Variants in PTPRD observed in about 807,000 individuals in gnomAD.
PTPRD encodes the protein protein tyrosine phosphatase receptor type D.
A neutral mutation model predicts 214.5 loss-of-function variants in PTPRD; 34 were observed. The observed-to-expected ratio is 0.16, with a 90% CI of 0.12 to 0.21. The LOEUF (loss-of-function observed/expected upper bound fraction) is 0.21. PTPRD is among the 10% of genes least tolerant of loss of function. The probability of loss-of-function intolerance (pLI) is 1.00; values close to 1 mark genes in which losing one functional copy is unlikely to be tolerated. For synonymous variants in PTPRD, 1,128 were observed against 845.7 expected (o/e 1.33, Z -5.79); for missense variants, 2,545 against 2,398.7 (o/e 1.06, Z -1.27).
intron 12 of PTPRD, among the ~76,000 whole-genome samples, chr9:8,651,559 T>C (rs1213714323): frequency 6.6e-6 from 1 of 152,202 alleles, no homozygotes; most frequent in African/African-American, 2.4e-5. Context: ...GTAGTTCTTT[T>C]GCTTTTTTTC....
At chr9:8,674,118 GAC>G (rs201255472) in intron 12 of PTPRD, among the ~76,000 whole-genome samples, 3 of 151,906 alleles carry the variant, frequency 2.0e-5, no homozygotes, top group Non-Finnish European at 4.4e-5. Flanking sequence ...AAATCACATA[GAC>G]ACACACACAC....
chr9:8,987,276 T>G (rs2154344784), intron 11 of PTPRD, among the ~76,000 whole-genome samples: 1 of 152,090 alleles, frequency 6.6e-6, no homozygotes, highest in East Asian at 1.9e-4. Context: ...AGTGTGTGGG[T>G]GGGTATGTGT....
At chr9:8,343,293 T>A (rs1420548939) in intron 39 of PTPRD, among the ~76,000 whole-genome samples, 2 of 152,104 alleles carry the variant, frequency 1.3e-5, no homozygotes, top group African/African-American at 4.8e-5. Flanking sequence ...AATAGGTTAC[T>A]TTTTTATGTC....
At chr9:10,291,864 T>C (rs772893519) in intron 3 of PTPRD, among the ~76,000 whole-genome samples, 1 of 152,072 alleles carries the variant, frequency 6.6e-6, no homozygotes, top group Non-Finnish European at 1.5e-5. Context: ...ACTGAATTAA[T>C]GCACCTTGGA....
chr9:8,682,871 G>C (rs1166171186), intron 12 of PTPRD, among the ~76,000 whole-genome samples: 1 of 152,060 alleles, frequency 6.6e-6, no homozygotes, highest in Admixed American at 6.6e-5. Flanking sequence ...TCCTTTCTGA[G>C]TTGTTGTTTA....
chr9:10,099,603 T>C (rs2098531149), intron 3 of PTPRD, among the ~76,000 whole-genome samples: 1 of 151,856 alleles, frequency 6.6e-6, no homozygotes, highest in Non-Finnish European at 1.5e-5. Context: ...ATGTATTTCA[T>C]ATTAATTATT....
intron 5 of PTPRD, among the ~76,000 whole-genome samples, chr9:9,769,317 C>CTTTTTTTTTTTTT: frequency 1.4e-5 from 1 of 69,594 alleles, no homozygotes; most frequent in Non-Finnish European, 2.5e-5. Flanking sequence ...ACCAGAAGCC[C>CTTTTTTTTTTTTT]TTTTTTTTTT....
chr9:9,658,384 T>A (rs529480132), intron 7 of PTPRD, among the ~76,000 whole-genome samples: 2 of 152,334 alleles, frequency 1.3e-5, no homozygotes, highest in East Asian at 1.9e-4. Context: ...TTAGTACTTA[T>A]AATGTATTAA....
intron 2 of PTPRD, among the ~76,000 whole-genome samples, chr9:10,499,775 T>G: frequency 6.6e-6 from 1 of 151,406 alleles, no homozygotes; most frequent in Non-Finnish European, 1.5e-5. Context: ...TTCTTATCAT[T>G]ATTTTTCCAC....
chr9:8,685,875 C>T (rs759139369), intron 12 of PTPRD, among the ~76,000 whole-genome samples: 1 of 152,148 alleles, frequency 6.6e-6, no homozygotes. Context: ...GAGCACTAGG[C>T]TCCTCTTTAT....
At position 9,912,042 on chromosome 9, in the gene PTPRD, G is replaced by C. The variant is rs536856169; in HGVS notation, c.-368+26465C>G. Among the ~76,000 whole-genome samples, 95 of 152,144 alleles carry C rather than the reference G, an allele frequency of 6.2e-4. 1 individual carries two copies. The highest frequency in any genetic ancestry group is 2.2e-3 in the African/African-American group (91 of 41,530). On this transcript the variant is annotated intron_variant, in intron 5 of 45. Coordinates refer to ENST00000381196, the MANE Select transcript of PTPRD (RefSeq NM_002839.4). ...TCAATCAAGAATAAGAAAAAATAAA[G>C]TCAATAATCTACAGCCTTGCTGATA... is the stretch of plus-strand genomic sequence containing the variant.
chr9:8,471,625 C>T (rs777551377), intron 30 of PTPRD, among the ~76,000 whole-genome samples: 69 of 151,962 alleles, frequency 4.5e-4, no homozygotes, highest in Non-Finnish European at 7.6e-4. Context: ...ATTAAAAATT[C>T]CCTTCTTTTT....
At position 9,746,509 on chromosome 9, in the gene PTPRD, A is replaced by C. The variant is rs115884724; in HGVS notation, c.-325-11938T>G. Among the ~76,000 whole-genome samples, 1,450 of 152,326 alleles carry C rather than the reference A, an allele frequency of 9.5e-3. 21 individuals are homozygous for C. Among genetic ancestry groups the C allele is most frequent in the African/African-American group, 0.032 (1,332 of 41,566 alleles). On this transcript the variant is annotated intron_variant, in intron 6 of 45. Transcript: ENST00000381196. ...CATCTGAACTTCTGTAATTGAGAGG[A>C]AAATTGCCAAAAAGATCAATATAGA...
intron 9 of PTPRD, among the ~76,000 whole-genome samples, chr9:9,296,287 A>G (rs1030760384): frequency 6.6e-6 from 1 of 151,730 alleles, no homozygotes; most frequent in Non-Finnish European, 1.5e-5. Flanking sequence ...ATGTTCTCAC[A>G]TGACCTTTAA....
At chr9:9,272,341 T>A (rs1943275176) in intron 9 of PTPRD, among the ~76,000 whole-genome samples, 1 of 151,286 alleles carries the variant, frequency 6.6e-6, no homozygotes, top group Admixed American at 6.6e-5. Context: ...AAAAATAAAT[T>A]GAAAGTTAAA....
chr9:10,281,910 T>G (rs79041482), intron 3 of PTPRD, among the ~76,000 whole-genome samples: 13,265 of 152,156 alleles, frequency 0.087, 698 homozygotes, highest in Non-Finnish European at 0.12. Flanking sequence ...TAGAACTATT[T>G]TATCATCTGA....
In PTPRD at chr9:10,125,423, TTTATTATTATTA is replaced by T. The variant is rs71485319; in HGVS notation, c.-544-91645_-544-91634del. ...TTTATTTTTATTTATTTTGTTTTAT[TTTATTATTATTA>T]TTATTATTATTATTATTATTATTAT... On this transcript the variant is annotated intron_variant, in intron 3 of 45. Transcript: ENST00000381196. Among the ~76,000 whole-genome samples, 964 of 133,534 alleles carry T rather than the reference TTTATTATTATTA, an allele frequency of 7.2e-3. 10 individuals carry two copies. Among genetic ancestry groups the T allele is most frequent in the African/African-American group, 0.014 (507 of 36,160 alleles). 87.6% of individuals were successfully genotyped at this position (133,534 alleles called of 152,430 possible).
At chr9:9,635,359 T>A (rs1013768807) in intron 7 of PTPRD, among the ~76,000 whole-genome samples, 1 of 152,164 alleles carries the variant, frequency 6.6e-6, no homozygotes, top group African/African-American at 2.4e-5. Context: ...GCTTTTTGGT[T>A]CAGGGTAGGT....
intron 9 of PTPRD, among the ~76,000 whole-genome samples, chr9:9,189,904 G>C (rs980990273): frequency 1.3e-5 from 2 of 152,062 alleles, no homozygotes; most frequent in South Asian, 2.1e-4. Flanking sequence ...TTTGAAATTA[G>C]TGTGGCTGTG....
Sources: gnomAD v4.1 joint callset for allele counts (sites outside exome capture counted in the v4.1 genomes callset) on GRCh38, gnomAD v4.1.1 for gene constraint, MANE v1.5 for transcripts, NCBI Gene and HGNC (gene_info 2026-07-23, HGNC 2026-07-21) for gene names.